Variants in WDR83 observed in about 807,000 individuals in gnomAD.
The protein encoded by WDR83 is WD repeat domain 83.
In WDR83, 37 loss-of-function variants were observed where a neutral mutation model predicts 37.7. The observed-to-expected ratio is 0.98, with a 90% CI of 0.76 to 1.29. The LOEUF (loss-of-function observed/expected upper bound fraction) is 1.29. Ranked by LOEUF, WDR83 falls within the 50% of genes most tolerant of loss-of-function variation. WDR83 has a pLI of 0.00. For synonymous variants in WDR83, 174 were observed against 181.1 expected (o/e 0.96, Z 0.31); for missense variants, 445 against 414.4 (o/e 1.07, Z -0.64).
In WDR83 at chr19:12,675,545, C is replaced by T. The variant is rs1180505241; in HGVS notation, c.821C>T (p.Pro274Leu). ...CAGGGTGCGCTGGCTCTGGCCCTGC[C>T]TGTGGGTTCCGGTGTGGTGCAGTCG... ...LVEGALALAL[P>L]VGSGVVQSLA... Residue 274 changes from proline to leucine, a missense_variant, in exon 11 of 11, where the codon CCT becomes CTT. Coordinates refer to ENST00000418543, the MANE Select transcript of WDR83 (RefSeq NM_001099737.3). 1 of 1,606,046 alleles carries T rather than the reference C, an allele frequency of 6.2e-7. No homozygotes were observed.
intron 7 of WDR83, chr19:12,672,124 GA>G (rs1258874889): frequency 6.6e-6 from 1 of 152,352 alleles, no homozygotes; most frequent in African/African-American, 2.4e-5. Context: ...AGAGGCAGAA[GA>G]AAATCCACAT....
chr19:12,668,263 A>G, intron 1 of WDR83: 2 of 1,299,518 alleles, frequency 1.5e-6, no homozygotes, highest in Non-Finnish European at 2.2e-6. Context: ...TCATTCAGGG[A>G]AGTCCAGGAT....
At chr19:12,669,105 C>G (rs2024334820) in intron 2 of WDR83, 1 of 1,611,774 alleles carries the variant, frequency 6.2e-7, no homozygotes, top group African/African-American at 1.3e-5. Flanking sequence ...CAACTACACC[C>G]ATAGAAGCTC....
rs747794727 is a variant in WDR83, at chr19:12,673,083, T to C, written c.650T>C (p.Leu217Pro). 1.2e-6 allele frequency: 2 copies of C among 1,613,456 alleles called. No individual in the cohort carries two copies. The highest frequency in any genetic ancestry group is 1.7e-6 in the Non-Finnish European group (2 of 1,179,550). ...LVSSLDSTLR[L>P]LDKDTGELLG... ...TCCAGCCTGGACTCCACATTGCGGC[T>C]CCTGGACAAAGACACAGGGGAGCTG... Residue 217 changes from leucine to proline, a missense_variant, in exon 9 of 11, where the codon CTC becomes CCC. Coordinates refer to ENST00000418543, the MANE Select transcript of WDR83 (RefSeq NM_001099737.3).
In WDR83 at chr19:12,675,775, G is replaced by C. The variant is rs762625460; in HGVS notation, c.*103G>C. 1 of 1,567,974 alleles carries C rather than the reference G, an allele frequency of 6.4e-7. No individual in the cohort carries two copies. The highest frequency in any genetic ancestry group is 2.3e-5 in the East Asian group (1 of 43,972). On this transcript the variant is annotated 3_prime_UTR_variant, in exon 11 of 11. Transcript: ENST00000418543. ...ACGTAGCTGACCAAAAAGTAGGGGA[G>C]GGGCTGGGTCTGCAAATTAATAAAT...
chr19:12,669,513 C>T, intron 2 of WDR83: 3 of 1,349,126 alleles, frequency 2.2e-6, no homozygotes, highest in African/African-American at 1.4e-5. Flanking sequence ...CATTTCCGTT[C>T]CTCATGACAG....
chr19:12,675,551 G>C lies in WDR83; in HGVS notation c.827G>C (p.Gly276Ala). 1 of 1,606,214 alleles carries C rather than the reference G, an allele frequency of 6.2e-7. No homozygotes were observed. Among genetic ancestry groups the C allele is most frequent in the Non-Finnish European group, 8.5e-7 (1 of 1,179,970 alleles). Residue 276 changes from glycine (G) to alanine (A), a missense_variant, in exon 11 of 11, where the codon GGT becomes GCT. Gly to Ala is a moderately conservative substitution (Grantham distance 60). Coordinates refer to ENST00000418543, the MANE Select transcript of WDR83 (RefSeq NM_001099737.3). ...EGALALALPV[G>A]SGVVQSLAYH... The stretch of plus-strand genomic sequence containing the variant: ...GCGCTGGCTCTGGCCCTGCCTGTGG[G>C]TTCCGGTGTGGTGCAGTCGCTGGCC...
Position 12,672,995 on chromosome 19 carries a change from C to A in WDR83, c.575-13C>A. 2 of 1,610,732 alleles carry A rather than the reference C, an allele frequency of 1.2e-6. No homozygotes were observed. The highest frequency in any genetic ancestry group is 1.7e-6 in the Non-Finnish European group (2 of 1,178,438). On this transcript the variant is annotated splice_polypyrimidine_tract_variant and intron_variant, in intron 8 of 10. Transcript: ENST00000418543. ...CACCCCACCCTCACTCACCTACCCA[C>A]CCTTCCCCCAAGGCCCCATCACCTG...
intron 10 of WDR83, 44 bp downstream of exon 10, chr19:12,673,360 A>ATCTCAG (rs2024478703): frequency 3.5e-6 from 5 of 1,428,240 alleles, no homozygotes; most frequent in Non-Finnish European, 4.9e-6. Context: ...TGCCTGCCCC[A>ATCTCAG]TCTCAGCCCT....
At position 12,670,834 on chromosome 19, in the gene WDR83, A is replaced by T. The variant is rs758866192; in HGVS notation, c.506+13A>T. The T allele has an allele frequency of 6.2e-7, 1 of 1,610,002 alleles. No homozygotes were observed. The highest frequency in any genetic ancestry group is 1.1e-5 in the South Asian group (1 of 90,546). Reference sequence around the variant, plus strand: ...AGATCCTGGCAGGGTGAGTGGAGCCAGGACCTGGTCTCACCCCAGGTGCTA... The same window carrying T: ...AGATCCTGGCAGGGTGAGTGGAGCCTGGACCTGGTCTCACCCCAGGTGCTA... On this transcript the variant is annotated intron_variant, in intron 7 of 10. Coordinates refer to ENST00000418543, the MANE Select transcript of WDR83 (RefSeq NM_001099737.3).
rs1346658735 is a variant in WDR83 at position 12,675,574 on chromosome 19, G to A, written c.850G>A (p.Ala284Thr). ...PVGSGVVQSL[A>T]YHPTEPCLLT... is the part of the protein sequence containing the mutation. ...GGGTTCCGGTGTGGTGCAGTCGCTG[G>A]CCTACCACCCAACAGAGCCCTGCCT... Residue 284 changes from alanine (A) to threonine (T), a missense_variant, in exon 11 of 11, where the codon GCC (alanine) becomes ACC (threonine). By Grantham distance (58) the Ala-to-Thr change is moderately conservative. Transcript: ENST00000418543. The A allele has an allele frequency of 1.9e-6, 3 of 1,606,092 alleles. No homozygotes were observed. The highest frequency in any genetic ancestry group is 1.7e-6 in the Non-Finnish European group (2 of 1,179,964).
At position 12,666,838 on chromosome 19, in the gene WDR83, A is replaced by G. The variant is rs1338746153; in HGVS notation, c.-311A>G. 9.8e-6 allele frequency: 8 copies of G among 817,980 alleles called. No homozygotes were observed. In the African/African-American group the frequency reaches 1.0e-4, roughly 11 times the overall value. The allele number at this position is 817,980 out of a possible 1,614,324, so 50.7% of individuals were successfully genotyped here. A position where few individuals can be genotyped will look rare whatever the true frequency, so the allele number is the denominator to read the frequency against. The stretch of plus-strand genomic sequence containing the variant: ...TGGAGGCTCACGGGAGAGAGGCTGT[A>G]GCCCTGGGCAATCCCGGGGGTCGTT... On this transcript the variant is annotated 5_prime_UTR_variant, in exon 1 of 11. Transcript: ENST00000418543.
chr19:12,669,397 T>TG (rs2024344023), intron 2 of WDR83: 2 of 1,598,090 alleles, frequency 1.3e-6, no homozygotes, highest in Non-Finnish European at 8.5e-7. Flanking sequence ...ATATTGTTAG[T>TG]GGACATAGCG....
chr19:12,670,132 A>C, intron 4 of WDR83, 35 bp downstream of exon 4: 1 of 1,606,854 alleles, frequency 6.2e-7, no homozygotes, highest in Non-Finnish European at 8.5e-7. Flanking sequence ...GGGAGCGCTG[A>C]GGCTGGGATC....
At chr19:12,671,716 T>C (rs1011219345) in intron 7 of WDR83, among the ~76,000 whole-genome samples, 1 of 152,248 alleles carries the variant, frequency 6.6e-6, no homozygotes, top group Non-Finnish European at 1.5e-5. Flanking sequence ...TTGTTTTTTT[T>C]GAGACGCAGT....
chr19:12,668,663 A>C (rs756716574), intron 2 of WDR83, 36 bp downstream of exon 2: 1 of 1,528,652 alleles, frequency 6.5e-7, no homozygotes, highest in Non-Finnish European at 9.0e-7. Context: ...AGGCACAACA[A>C]TGAGTCCCCG....
Position 12,670,890 on chromosome 19 carries a change from T to C in WDR83, c.506+69T>C. On this transcript the variant is annotated intron_variant, in intron 7 of 10. Coordinates refer to ENST00000418543, the MANE Select transcript of WDR83 (RefSeq NM_001099737.3). The stretch of plus-strand genomic sequence containing the variant: ...AATCATAGCTGCCCCCATGCTCAGA[T>C]TAAAACCTACTCTCAGCTGGGCACA... 3 of 1,554,944 alleles carry C rather than the reference T, an allele frequency of 1.9e-6. No homozygotes were observed. The South Asian group carries it at 3.5e-5, about 18-fold the overall frequency.
intron 5 of WDR83, 134 bp from the exon 6 acceptor site, chr19:12,670,429 C>T (rs1373604291): frequency 1.5e-5 from 23 of 1,513,270 alleles, no homozygotes; most frequent in African/African-American, 2.7e-5. Context: ...TAGGCAGTCA[C>T]CAACCCCTGT....
chr19:12,672,937 G>C (rs753019163), intron 8 of WDR83, 23 bp downstream of exon 8: 3 of 1,596,104 alleles, frequency 1.9e-6, no homozygotes, highest in Non-Finnish European at 2.6e-6. Context: ...GGGGATGTGG[G>C]ACAGGCAGGG....
Sources: gnomAD v4.1 joint callset for allele counts (sites outside exome capture counted in the v4.1 genomes callset) on GRCh38, gnomAD v4.1.1 for gene constraint, MANE v1.5 for transcripts, NCBI Gene and HGNC (gene_info 2026-07-23, HGNC 2026-07-21) for gene names.